The following GUCA1C variants were observed in gnomAD, a reference collection of about 807,000 sequenced individuals.
The protein encoded by GUCA1C is guanylate cyclase activator 1C, also known as guanylyl cyclase-activating protein 3.
In GUCA1C, 15 loss-of-function variants were observed where a neutral mutation model predicts 16.2. That is an observed-to-expected ratio of 0.93 (90% CI 0.62 to 1.43). The LOEUF (loss-of-function observed/expected upper bound fraction) is 1.43, where lower values mean the gene tolerates loss of function less well. GUCA1C is among the 40% of genes most tolerant of loss of function. GUCA1C has a pLI of 0.00. For synonymous variants in GUCA1C, 78 were observed against 85.4 expected, an observed-to-expected ratio of 0.91 and a Z score of 0.48; for missense variants, 275 against 244.8, an observed-to-expected ratio of 1.12 and a Z score of -0.82.
intron 2 of GUCA1C, among the ~76,000 whole-genome samples, chr3:108,917,165 A>G (rs935314818): frequency 3.3e-5 from 5 of 152,258 alleles, no homozygotes; most frequent in Admixed American, 1.3e-4. Flanking sequence ...ACATACATAC[A>G]GCATCACATT....
chr3:108,944,678 G>A (rs1031202278), intron 1 of GUCA1C, among the ~76,000 whole-genome samples: 2 of 152,136 alleles, frequency 1.3e-5, no homozygotes, highest in African/African-American at 4.8e-5. Context: ...AGCTTGTTTG[G>A]CCTCTTGAAC....
intron 1 of GUCA1C, among the ~76,000 whole-genome samples, chr3:108,938,439 T>TA (rs150753712): frequency 0.019 from 2,900 of 152,330 alleles, 83 homozygotes; most frequent in African/African-American, 0.066. Context: ...ACGGCTAGCA[T>TA]AAGCACATTA....
At chr3:108,949,266 A>G (rs2107319552) in intron 1 of GUCA1C, among the ~76,000 whole-genome samples, 1 of 152,320 alleles carries the variant, frequency 6.6e-6, no homozygotes, top group South Asian at 2.1e-4. Flanking sequence ...GGAGAAATCC[A>G]TGTGTGGAAG....
chr3:108,954,642 G>A (rs904056335), upstream of GUCA1C, among the ~76,000 whole-genome samples: 1 of 151,934 alleles, frequency 6.6e-6, no homozygotes, highest in Non-Finnish European at 1.5e-5. Context: ...TGAATGCTTT[G>A]TGTGGTCCTC....
intron 1 of GUCA1C, among the ~76,000 whole-genome samples, chr3:108,925,936 A>G (rs113115807): frequency 0.011 from 1,623 of 152,230 alleles, 28 homozygotes; most frequent in African/African-American, 0.036. Flanking sequence ...AAAATACAAA[A>G]ATTAGCCAGG....
intron 2 of GUCA1C, among the ~76,000 whole-genome samples, chr3:108,919,141 G>C (rs1031984092): frequency 1.3e-5 from 2 of 152,006 alleles, no homozygotes; most frequent in African/African-American, 4.8e-5. Context: ...TTTTAGTACT[G>C]ATTAATTTAA....
intron 1 of GUCA1C, among the ~76,000 whole-genome samples, chr3:108,925,693 A>G (rs1946616669): frequency 6.6e-6 from 1 of 152,234 alleles, no homozygotes; most frequent in African/African-American, 2.4e-5. Flanking sequence ...TTCTGTCTTA[A>G]TGACCTGTGT....
intron 1 of GUCA1C, among the ~76,000 whole-genome samples, chr3:108,948,802 A>G (rs1244233276): frequency 6.6e-6 from 1 of 150,544 alleles, no homozygotes; most frequent in Non-Finnish European, 1.5e-5. Flanking sequence ...GTCTTTCTGC[A>G]TATTGTGCTG....
At chr3:108,920,357 G>T (rs1287333635) in intron 2 of GUCA1C, 79 bp downstream of exon 2, 2 of 1,025,522 alleles carry the variant, frequency 2.0e-6, no homozygotes, top group Admixed American at 4.0e-5. Context: ...CCCATAGACA[G>T]CTGTTACCTA....
chr3:108,953,176 T>G (rs1418803863), intron 1 of GUCA1C, among the ~76,000 whole-genome samples: 1 of 152,140 alleles, frequency 6.6e-6, no homozygotes, highest in East Asian at 1.9e-4. Context: ...AAAAGCAGAG[T>G]CCTGTAATTT....
chr3:108,917,642 G>A (rs1334704672), intron 2 of GUCA1C, among the ~76,000 whole-genome samples: 1 of 152,140 alleles, frequency 6.6e-6, no homozygotes, highest in Non-Finnish European at 1.5e-5. Context: ...GTCCCCATTA[G>A]CTAATTTCAG....
chr3:108,932,649 C>T (rs1032848994), intron 1 of GUCA1C, among the ~76,000 whole-genome samples: 6 of 152,090 alleles, frequency 3.9e-5, no homozygotes, highest in South Asian at 2.1e-4. Context: ...AGGCCGGGCA[C>T]GGTGGCTCAC....
chr3:108,924,036 T>C (rs775174817), intron 1 of GUCA1C, among the ~76,000 whole-genome samples: 34 of 152,166 alleles, frequency 2.2e-4, no homozygotes, highest in Non-Finnish European at 4.1e-4. Context: ...TTATCAGTTC[T>C]AGGGGCTTTT....
At chr3:108,921,199 T>G (rs1025318544) in intron 1 of GUCA1C, among the ~76,000 whole-genome samples, 4 of 152,204 alleles carry the variant, frequency 2.6e-5, no homozygotes, top group Non-Finnish European at 4.4e-5. Flanking sequence ...GTATATAGTA[T>G]GTAGCTTTTT....
At chr3:108,940,048 T>G (rs1559847158) in intron 1 of GUCA1C, among the ~76,000 whole-genome samples, 1 of 152,218 alleles carries the variant, frequency 6.6e-6, no homozygotes, top group East Asian at 1.9e-4. Flanking sequence ...TAAAATTCTG[T>G]GAGAAGCTTA....
At chr3:108,932,313 G>A (rs1320537577) in intron 1 of GUCA1C, among the ~76,000 whole-genome samples, 6 of 105,154 alleles carry the variant, frequency 5.7e-5, no homozygotes, top group African/African-American at 2.3e-4. Context: ...CAGATTCCTA[G>A]ACCTCCCACC....
intron 1 of GUCA1C, among the ~76,000 whole-genome samples, chr3:108,926,404 A>G (rs1946623032): frequency 6.6e-6 from 1 of 152,164 alleles, no homozygotes; most frequent in Non-Finnish European, 1.5e-5. Context: ...TTTTAAGTGG[A>G]GCATTTAGGC....
At chr3:108,916,099 G>A (rs1329460791) in intron 3 of GUCA1C, 28 bp downstream of exon 3, 1 of 1,610,548 alleles carries the variant, frequency 6.2e-7, no homozygotes, top group Non-Finnish European at 8.5e-7. Flanking sequence ...TGTAGGAAAA[G>A]TGATCCAGTA....
chr3:108,940,372 G>A (rs550378063), intron 1 of GUCA1C, among the ~76,000 whole-genome samples: 2 of 152,296 alleles, frequency 1.3e-5, no homozygotes, highest in Non-Finnish European at 2.9e-5. Context: ...AAGTTAAAAG[G>A]CATGTTGCCT....
Sources: gnomAD v4.1 joint callset for allele counts (sites outside exome capture counted in the v4.1 genomes callset) on GRCh38, gnomAD v4.1.1 for gene constraint, MANE v1.5 for transcripts, NCBI Gene and HGNC (gene_info 2026-07-23, HGNC 2026-07-21) for gene names.